Variants in PRKG1 observed in about 807,000 individuals in gnomAD.
PRKG1 encodes cGMP-dependent protein kinase 1.
PRKG1 carries 35 observed loss-of-function variants against 88.1 expected under a neutral mutation model. The ratio of observed to expected loss-of-function variants is 0.40; its 90% confidence interval spans 0.30 to 0.53. PRKG1 has a LOEUF of 0.53. Ranked by LOEUF, PRKG1 falls within the 20% of genes least tolerant of loss-of-function variation. PRKG1 has a pLI of 0.59. For synonymous variants in PRKG1, 303 were observed against 292.5 expected, an observed-to-expected ratio of 1.04 and a Z score of -0.37; for missense variants, 540 against 839.8, an observed-to-expected ratio of 0.64 and a Z score of 4.41.
At chr10:51,458,877 G>A (rs1217145098) in intron 2 of PRKG1, among the ~76,000 whole-genome samples, 1 of 152,058 alleles carries the variant, frequency 6.6e-6, no homozygotes, top group Non-Finnish European at 1.5e-5. Flanking sequence ...ACATAAGGAG[G>A]AATGACTGCA....
At chr10:51,271,317 C>T (rs1283933335) in intron 2 of PRKG1, among the ~76,000 whole-genome samples, 2 of 151,582 alleles carry the variant, frequency 1.3e-5, no homozygotes, top group African/African-American at 4.9e-5. Context: ...CTTTCCTTGC[C>T]AAAAGTGTTT....
intron 3 of PRKG1, among the ~76,000 whole-genome samples, chr10:51,579,172 G>A (rs1457992533): frequency 6.6e-6 from 1 of 151,598 alleles, no homozygotes; most frequent in Non-Finnish European, 1.5e-5. Flanking sequence ...TGTAGAAATG[G>A]GGTTTCACCG....
At chr10:51,240,932 T>C (rs1036956161) in intron 2 of PRKG1, among the ~76,000 whole-genome samples, 2 of 152,246 alleles carry the variant, frequency 1.3e-5, no homozygotes, top group Non-Finnish European at 2.9e-5. Flanking sequence ...AAAGATGGAT[T>C]GAATGGAATT....
intron 5 of PRKG1, among the ~76,000 whole-genome samples, chr10:51,911,982 G>A (rs528248994): frequency 9.8e-5 from 15 of 152,308 alleles, no homozygotes; most frequent in African/African-American, 2.4e-4. Context: ...TCAGGACTGC[G>A]CTCTCTCATA....
intron 9 of PRKG1, among the ~76,000 whole-genome samples, chr10:52,239,377 A>G (rs952220987): frequency 6.7e-6 from 1 of 149,604 alleles, no homozygotes; most frequent in African/African-American, 2.4e-5. Context: ...TTTTTTGAGA[A>G]TAAATTTTAA....
At chr10:51,428,937 C>T (rs1193571822) in intron 2 of PRKG1, among the ~76,000 whole-genome samples, 1 of 152,174 alleles carries the variant, frequency 6.6e-6, no homozygotes, top group Non-Finnish European at 1.5e-5. Context: ...ATTGAGGGCT[C>T]ATACATCCCT....
intron 2 of PRKG1, among the ~76,000 whole-genome samples, chr10:51,227,841 G>A (rs1320838031): frequency 1.3e-5 from 2 of 152,190 alleles, no homozygotes; most frequent in Non-Finnish European, 2.9e-5. Flanking sequence ...TGGCACAAAA[G>A]TGCTTGCAAT....
chr10:51,855,037 ATAAATTGGTTTCT>A (rs1476447542), intron 4 of PRKG1, among the ~76,000 whole-genome samples: 2 of 152,230 alleles, frequency 1.3e-5, no homozygotes, highest in Non-Finnish European at 2.9e-5. Flanking sequence ...ATAGCAAATA[ATAAATTGGTTTCT>A]TAAATAGTGC....
chr10:51,900,922 AAATTT>A (rs1449389712), intron 4 of PRKG1, among the ~76,000 whole-genome samples: 1 of 152,182 alleles, frequency 6.6e-6, no homozygotes, highest in Non-Finnish European at 1.5e-5. Context: ...CATGTATACA[AAATTT>A]AATTTAAAGA....
intron 2 of PRKG1, among the ~76,000 whole-genome samples, chr10:51,436,748 T>A (rs903628018): frequency 1.3e-5 from 2 of 152,030 alleles, no homozygotes; most frequent in Non-Finnish European, 2.9e-5. Context: ...TGTACTTAGA[T>A]GAGATTAAGC....
chr10:52,063,093 T>C lies in PRKG1; in HGVS notation c.935+462T>C, dbSNP rs116666425. ...TGGGCGCCTTCACCTGAGTTTTGCTTGGGCCCATTGGGCTCATTATGCCCA... is the reference window on the plus strand; with the variant it reads ...TGGGCGCCTTCACCTGAGTTTTGCTCGGGCCCATTGGGCTCATTATGCCCA... On this transcript the variant is annotated intron_variant, in intron 7 of 17. Coordinates refer to ENST00000373980, the MANE Select transcript of PRKG1 (RefSeq NM_006258.4). 1.0e-2 allele frequency among the ~76,000 whole-genome samples: 1,519 copies of C among 152,320 alleles called. 29 individuals are homozygous for C. Among genetic ancestry groups the C allele is most frequent in the African/African-American group, 0.034 (1,397 of 41,580 alleles).
intron 8 of PRKG1, among the ~76,000 whole-genome samples, chr10:52,153,889 G>T (rs1838010933): frequency 6.6e-6 from 1 of 152,034 alleles, no homozygotes; most frequent in Admixed American, 6.5e-5. Flanking sequence ...GGGATTACAG[G>T]CATGGACTAC....
chr10:51,627,943 T>TTCC (rs1839388727), intron 3 of PRKG1, among the ~76,000 whole-genome samples: 1 of 16,502 alleles, frequency 6.1e-5, no homozygotes, highest in Non-Finnish European at 2.0e-4. Context: ...CCTTCCTTCC[T>TTCC]TTCTTTCTTT....
chr10:51,051,158 A>G (rs1843555380), intron 1 of PRKG1, among the ~76,000 whole-genome samples: 1 of 152,084 alleles, frequency 6.6e-6, no homozygotes. Context: ...GAAGGTATTC[A>G]GTTTGACAGA....
At chr10:51,296,098 G>A (rs1204655189) in intron 2 of PRKG1, among the ~76,000 whole-genome samples, 1 of 151,950 alleles carries the variant, frequency 6.6e-6, no homozygotes, top group Non-Finnish European at 1.5e-5. Context: ...GAGGATTTTT[G>A]CATCAGTATT....
intron 5 of PRKG1, among the ~76,000 whole-genome samples, chr10:51,968,718 G>A (rs1843631284): frequency 6.6e-6 from 1 of 151,180 alleles, no homozygotes; most frequent in Non-Finnish European, 1.5e-5. Flanking sequence ...AGCTACTCAG[G>A]AGGCTGAGGC....
intron 9 of PRKG1, among the ~76,000 whole-genome samples, chr10:52,244,861 T>G (rs1399085694): frequency 7.0e-6 from 1 of 142,858 alleles, no homozygotes; most frequent in African/African-American, 2.5e-5. Context: ...TTTTTATATA[T>G]TTAAATATTA....
At chr10:52,228,294 A>G (rs1589716372) in intron 9 of PRKG1, among the ~76,000 whole-genome samples, 1 of 151,996 alleles carries the variant, frequency 6.6e-6, no homozygotes, top group Admixed American at 6.6e-5. Context: ...AGAAAAAAAA[A>G]AAAAGAAATG....
intron 3 of PRKG1, among the ~76,000 whole-genome samples, chr10:51,801,493 C>T (rs1214427212): frequency 2.0e-5 from 3 of 152,088 alleles, no homozygotes; most frequent in Non-Finnish European, 4.4e-5. Context: ...AGGGCAGGGA[C>T]TGTGAATTTG....
Sources: gnomAD v4.1 joint callset for allele counts (sites outside exome capture counted in the v4.1 genomes callset) on GRCh38, gnomAD v4.1.1 for gene constraint, MANE v1.5 for transcripts, NCBI Gene and HGNC (gene_info 2026-07-23, HGNC 2026-07-21) for gene names.